Variants in GRID2 observed in about 807,000 individuals in gnomAD.
The protein encoded by GRID2 is glutamate receptor ionotropic, delta-2.
A neutral mutation model predicts 114.8 loss-of-function variants in GRID2; 33 were observed. The ratio of observed to expected loss-of-function variants is 0.29; its 90% CI spans 0.22 to 0.38. GRID2 has a LOEUF of 0.38. GRID2 is among the 10% of genes least tolerant of loss of function. The probability of loss-of-function intolerance (pLI) is 1.00; values close to 1 mark genes in which losing one functional copy is unlikely to be tolerated. For synonymous variants in GRID2, 505 were observed against 449.9 expected (o/e 1.12, Z -1.55); for missense variants, 1,184 against 1,257.7 (o/e 0.94, Z 0.89).
At chr4:92,521,668 A>G (rs1365883044) in intron 1 of GRID2, among the ~76,000 whole-genome samples, 4 of 152,006 alleles carry the variant, frequency 2.6e-5, no homozygotes, top group African/African-American at 7.2e-5. Context: ...CTTATCTTAA[A>G]TGATAAACCA....
chr4:92,400,616 TAC>T (rs1730741517), intron 1 of GRID2, among the ~76,000 whole-genome samples: 1 of 152,166 alleles, frequency 6.6e-6, no homozygotes, highest in Non-Finnish European at 1.5e-5. Context: ...TACCTTACCT[TAC>T]ACCTGGGAGT....
rs538122783 is a variant in GRID2, at chr4:93,203,481, T to C, written c.736-3923T>C. Among the ~76,000 whole-genome samples, 5 of 152,260 alleles carry C rather than the reference T, an allele frequency of 3.3e-5. No individual in the cohort carries two copies. In the South Asian group the frequency reaches 1.0e-3, roughly 32 times the overall value. On this transcript the variant is annotated intron_variant, in intron 4 of 15. Coordinates refer to ENST00000282020, the MANE Select transcript of GRID2 (RefSeq NM_001510.4). Reference sequence around the variant, plus strand: ...CGTTTTTCTTCTCCAGATAAAAATGTGTTTGTAAAAAAGATTCTAAATATT... The same window carrying C: ...CGTTTTTCTTCTCCAGATAAAAATGCGTTTGTAAAAAAGATTCTAAATATT...
At chr4:93,262,889 T>C (rs1293799079) in intron 8 of GRID2, among the ~76,000 whole-genome samples, 1 of 151,996 alleles carries the variant, frequency 6.6e-6, no homozygotes, top group Non-Finnish European at 1.5e-5. Context: ...ATGTTATTTC[T>C]GTTTACTATT....
rs541016272 is a variant in GRID2 at position 93,520,569 on chromosome 4, A to T, written c.2193+5158A>T. Among the ~76,000 whole-genome samples the T allele has an allele frequency of 2.0e-4, 31 of 152,212 alleles. No individual in the cohort carries two copies. In the East Asian group the frequency reaches 5.8e-3, roughly 29 times the overall value. ...CATACTGGAGAGAAATGTCAAGAAG[A>T]TCAGTGAGGTTGGAGCAGGTTGCAC... On this transcript the variant is annotated intron_variant, in intron 13 of 15. Transcript: ENST00000282020.
intron 1 of GRID2, among the ~76,000 whole-genome samples, chr4:92,549,382 GTCT>G (rs1267576365): frequency 2.0e-5 from 3 of 152,226 alleles, no homozygotes; most frequent in African/African-American, 7.2e-5. Flanking sequence ...TTCATATTTA[GTCT>G]TCTTCTCTCT....
intron 10 of GRID2, among the ~76,000 whole-genome samples, chr4:93,426,733 C>A (rs1288641599): frequency 6.6e-6 from 1 of 151,960 alleles, no homozygotes; most frequent in Admixed American, 6.6e-5. Flanking sequence ...GTACTATTTG[C>A]ATGTAAGAGC....
intron 13 of GRID2, among the ~76,000 whole-genome samples, chr4:93,616,244 A>C (rs1741627690): frequency 6.6e-6 from 1 of 152,144 alleles, no homozygotes; most frequent in Non-Finnish European, 1.5e-5. Flanking sequence ...TTTCTTAGAT[A>C]AGAAGTTTAT....
At chr4:93,078,683 T>C (rs1407895538) in intron 2 of GRID2, among the ~76,000 whole-genome samples, 1 of 147,262 alleles carries the variant, frequency 6.8e-6, no homozygotes, top group African/African-American at 2.5e-5. Flanking sequence ...TTAGTAAATA[T>C]ACTAAATATA....
intron 14 of GRID2, among the ~76,000 whole-genome samples, chr4:93,699,003 A>G (rs966403926): frequency 1.2e-4 from 18 of 152,082 alleles, no homozygotes; most frequent in Admixed American, 2.0e-4. Context: ...TGAAAATTAC[A>G]TGAGAAAGTA....
At chr4:92,367,762 C>A (rs1265730173) in intron 1 of GRID2, among the ~76,000 whole-genome samples, 1 of 151,952 alleles carries the variant, frequency 6.6e-6, no homozygotes, top group Non-Finnish European at 1.5e-5. Flanking sequence ...AGAGAATAGG[C>A]CAGAAGGGGG....
intron 4 of GRID2, among the ~76,000 whole-genome samples, chr4:93,120,847 G>T (rs888779942): frequency 2.6e-5 from 4 of 152,116 alleles, no homozygotes; most frequent in Non-Finnish European, 2.9e-5. Context: ...CAGCTACTCA[G>T]GAGGCTGAGG....
intron 8 of GRID2, among the ~76,000 whole-genome samples, chr4:93,253,912 C>T (rs1307215313): frequency 1.3e-5 from 2 of 151,946 alleles, no homozygotes; most frequent in African/African-American, 2.4e-5. Flanking sequence ...CTTCTTTTCC[C>T]TCTGATTTTG....
intron 11 of GRID2, among the ~76,000 whole-genome samples, chr4:93,480,648 A>G (rs1725760807): frequency 6.6e-6 from 1 of 152,038 alleles, no homozygotes; most frequent in African/African-American, 2.4e-5. Context: ...CTCATCTCTT[A>G]TAGTTAGTCA....
At chr4:93,290,510 T>C (rs1228644607) in intron 8 of GRID2, among the ~76,000 whole-genome samples, 1 of 152,212 alleles carries the variant, frequency 6.6e-6, no homozygotes. Flanking sequence ...TTTTCATTTT[T>C]CTTTTTTGTA....
chr4:92,557,094 A>G (rs1261626404), intron 1 of GRID2, among the ~76,000 whole-genome samples: 33 of 152,150 alleles, frequency 2.2e-4, no homozygotes, highest in Non-Finnish European at 3.2e-4. Flanking sequence ...AGACTTGTAG[A>G]AGTGTTCTCT....
At chr4:92,606,937 G>T (rs1205236728) in intron 2 of GRID2, among the ~76,000 whole-genome samples, 4 of 152,100 alleles carry the variant, frequency 2.6e-5, no homozygotes, top group Non-Finnish European at 2.9e-5. Context: ...GATAAAATCT[G>T]TATGTTCATG....
intron 1 of GRID2, among the ~76,000 whole-genome samples, chr4:92,555,520 A>G (rs1345157795): frequency 1.3e-5 from 2 of 152,180 alleles, no homozygotes; most frequent in Non-Finnish European, 2.9e-5. Context: ...GAGAAAAATG[A>G]AGGCAGCTGG....
intron 1 of GRID2, among the ~76,000 whole-genome samples, chr4:92,530,544 G>A (rs931753063): frequency 4.1e-5 from 6 of 147,878 alleles, no homozygotes; most frequent in African/African-American, 1.5e-4. Context: ...TCCGAGACAC[G>A]AGAATCAAAT....
intron 1 of GRID2, among the ~76,000 whole-genome samples, chr4:92,502,843 G>T (rs1723756593): frequency 6.7e-6 from 1 of 148,626 alleles, no homozygotes; most frequent in Non-Finnish European, 1.5e-5. Flanking sequence ...CCAGCCTACT[G>T]AATAGCTGGG....
Sources: allele counts gnomAD v4.1 joint callset (sites outside exome capture counted in the v4.1 genomes callset), GRCh38; gene constraint gnomAD v4.1.1; transcripts MANE v1.5; gene names NCBI Gene and HGNC (gene_info 2026-07-23, HGNC 2026-07-21).